Variants in SH3BP4 observed in about 807,000 individuals in gnomAD.
The protein encoded by SH3BP4 is SH3 domain binding protein 4, also known as SH3 domain-binding protein 4.
A neutral mutation model predicts 65.5 loss-of-function variants in SH3BP4; 33 were observed. That is an observed-to-expected ratio of 0.50 (90% CI 0.38 to 0.67). The LOEUF (loss-of-function observed/expected upper bound fraction) is 0.67. Among genes scored for constraint, SH3BP4 ranks in the 30% least tolerant of loss-of-function variants. SH3BP4 has a pLI of 0.00. For synonymous variants in SH3BP4, 552 were observed against 545.5 expected, an observed-to-expected ratio of 1.01 and a Z score of -0.17; for missense variants, 1,134 against 1,261.4, an observed-to-expected ratio of 0.90 and a Z score of 1.53.
chr2:235,038,249 T>TA (rs766333800), intron 3 of SH3BP4, among the ~76,000 whole-genome samples: 5 of 34,418 alleles, frequency 1.5e-4, no homozygotes, highest in East Asian at 9.8e-4. Flanking sequence ...TATATATATA[T>TA]TATATATAAT....
intron 1 of SH3BP4, among the ~76,000 whole-genome samples, chr2:234,970,181 C>T (rs1159056066): frequency 1.3e-5 from 2 of 152,198 alleles, no homozygotes; most frequent in African/African-American, 4.8e-5. Flanking sequence ...TAGAGCGCTT[C>T]TGCTTTAGTT....
intron 1 of SH3BP4, among the ~76,000 whole-genome samples, chr2:234,964,696 A>C (rs1008755153): frequency 4.6e-5 from 7 of 152,176 alleles, no homozygotes; most frequent in African/African-American, 1.7e-4. Context: ...AGAGGGCCAT[A>C]GTGAGACCCC....
In SH3BP4 at chr2:235,026,493, G is replaced by C. The variant is rs1220890474; in HGVS notation, c.-132-8378G>C. 6.6e-6 allele frequency among the ~76,000 whole-genome samples: 1 copy of C among 152,070 alleles called. No individual in the cohort carries two copies. Among genetic ancestry groups the C allele is most frequent in the Non-Finnish European group, 1.5e-5 (1 of 68,008 alleles). ...GAACCTTAGCGCTCCTTCCCCTCCAGGTCTTCCATTCTTTTGTTGATTTGT... is the reference window on the plus strand; with the variant it reads ...GAACCTTAGCGCTCCTTCCCCTCCACGTCTTCCATTCTTTTGTTGATTTGT... On this transcript the variant is annotated intron_variant, in intron 2 of 5. Coordinates refer to ENST00000392011, the MANE Select transcript of SH3BP4 (RefSeq NM_014521.3). The surrounding 1 kb of genome is among the most constrained non-coding windows in gnomAD (Gnocchi z 4.6).
At position 235,026,485 on chromosome 2, in the gene SH3BP4, C is replaced by T. The variant is rs1466413260; in HGVS notation, c.-132-8386C>T. Among the ~76,000 whole-genome samples, 2 of 152,168 alleles carry T rather than the reference C, an allele frequency of 1.3e-5. No homozygotes were observed. The highest frequency in any genetic ancestry group is 3.9e-4 in the East Asian group (2 of 5,188). On this transcript the variant is annotated intron_variant, in intron 2 of 5. Transcript: ENST00000392011. This position sits in a 1 kb window ranked among gnomAD's most constrained non-coding sequence, Gnocchi z 4.6. ...GGCACAGAGAACCTTAGCGCTCCTT[C>T]CCCTCCAGGTCTTCCATTCTTTTGT...
rs1291749063 is a variant in SH3BP4 at position 234,976,368 on chromosome 2, G to C, written c.-206-18935G>C. Among the ~76,000 whole-genome samples the C allele has an allele frequency of 6.6e-6, 1 of 152,130 alleles. No homozygotes were observed. Among genetic ancestry groups the C allele is most frequent in the Admixed American group, 6.5e-5 (1 of 15,268 alleles). ...ATTCAGTCACTTAGATTTTAAACTT[G>C]TGTTGACCTTATAGTCAACTGATAG... is the stretch of plus-strand genomic sequence containing the variant. On this transcript the variant is annotated intron_variant, in intron 1 of 5. Coordinates refer to ENST00000392011, the MANE Select transcript of SH3BP4 (RefSeq NM_014521.3). The surrounding 1 kb of genome is among the most constrained non-coding windows in gnomAD (Gnocchi z 4.7).
At chr2:235,013,682 G>C (rs957400063) in intron 2 of SH3BP4, among the ~76,000 whole-genome samples, 1 of 152,172 alleles carries the variant, frequency 6.6e-6, no homozygotes, top group African/African-American at 2.4e-5. Flanking sequence ...TCTCCGTTCT[G>C]CTCTGTCCTT....
chr2:234,969,450 G>T (rs1276773925), intron 1 of SH3BP4, among the ~76,000 whole-genome samples: 1 of 152,116 alleles, frequency 6.6e-6, no homozygotes, highest in African/African-American at 2.4e-5. Flanking sequence ...CCTCTGACTG[G>T]GAGGCCACCC....
At chr2:234,969,826 C>T (rs1057148724) in intron 1 of SH3BP4, among the ~76,000 whole-genome samples, 7 of 152,210 alleles carry the variant, frequency 4.6e-5, no homozygotes, top group East Asian at 1.9e-4. Flanking sequence ...CAGGCTGAGA[C>T]GCGTGCTTGC....
At chr2:235,043,916 A>G (rs1695759122) in intron 4 of SH3BP4, among the ~76,000 whole-genome samples, 1 of 152,278 alleles carries the variant, frequency 6.6e-6, no homozygotes, top group African/African-American at 2.4e-5. Context: ...AAAGAAGAGC[A>G]TTCCAGTTAC....
intron 2 of SH3BP4, among the ~76,000 whole-genome samples, chr2:235,009,045 A>C (rs1459175604): frequency 6.6e-6 from 1 of 152,224 alleles, no homozygotes; most frequent in Non-Finnish European, 1.5e-5. Flanking sequence ...GCTGATTTGC[A>C]TAAGAATGTT....
At chr2:234,975,300 G>A (rs1420429533) in intron 1 of SH3BP4, among the ~76,000 whole-genome samples, 1 of 152,218 alleles carries the variant, frequency 6.6e-6, no homozygotes, top group African/African-American at 2.4e-5. Context: ...AGCTGCTGCT[G>A]TTCTCCCTAT....
At chr2:235,007,223 G>A (rs1694323851) in intron 2 of SH3BP4, among the ~76,000 whole-genome samples, 1 of 152,102 alleles carries the variant, frequency 6.6e-6, no homozygotes, top group Admixed American at 6.5e-5. Flanking sequence ...GGCACAGAGG[G>A]GAGCTGGTCA....
intron 3 of SH3BP4, 73 bp from the exon 4 acceptor site, chr2:235,040,815 T>C (rs914770214): frequency 7.5e-7 from 1 of 1,333,214 alleles, no homozygotes. Flanking sequence ...CACCGTCCTC[T>C]CTCCTTTGGG....
chr2:234,989,757 T>C (rs1295581045), intron 1 of SH3BP4, among the ~76,000 whole-genome samples: 3 of 152,044 alleles, frequency 2.0e-5, no homozygotes, highest in South Asian at 2.1e-4. Context: ...CTTTTTATTT[T>C]CCCCCCAACT....
intron 4 of SH3BP4, among the ~76,000 whole-genome samples, chr2:235,050,340 A>G (rs113715255): frequency 1.9e-3 from 295 of 151,796 alleles, no homozygotes; most frequent in African/African-American, 5.8e-3. Context: ...GATGGTCTCG[A>G]TCTCCTGACC....
At chr2:235,009,237 G>A (rs897296768) in intron 2 of SH3BP4, among the ~76,000 whole-genome samples, 1 of 152,164 alleles carries the variant, frequency 6.6e-6, no homozygotes, top group Non-Finnish European at 1.5e-5. Flanking sequence ...GAGCTCTGCA[G>A]GTGCCATCCG....
intron 1 of SH3BP4, among the ~76,000 whole-genome samples, chr2:234,960,047 CAT>C (rs1400109959): frequency 3.3e-5 from 5 of 152,198 alleles, no homozygotes; most frequent in Non-Finnish European, 7.3e-5. Context: ...TGCTAACAAT[CAT>C]AGTTGATGTA....
At chr2:234,953,648 G>A (rs946666694) in intron 1 of SH3BP4, among the ~76,000 whole-genome samples, 1 of 152,168 alleles carries the variant, frequency 6.6e-6, no homozygotes, top group African/African-American at 2.4e-5. Context: ...TTTGCAGAGC[G>A]TTTTGACATC....
intron 1 of SH3BP4, among the ~76,000 whole-genome samples, chr2:234,960,839 A>T (rs1331383490): frequency 6.6e-6 from 1 of 152,208 alleles, no homozygotes; most frequent in Non-Finnish European, 1.5e-5. Flanking sequence ...TGTTGTATGG[A>T]GGAAGATCCT....
Sources: gnomAD v4.1 joint callset for allele counts (sites outside exome capture counted in the v4.1 genomes callset) on GRCh38, gnomAD v4.1.1 for gene constraint, Gnocchi (gnomAD v3.1) non-coding constraint, MANE v1.5 for transcripts, NCBI Gene and HGNC (gene_info 2026-07-23, HGNC 2026-07-21) for gene names.